Variants in CPNE8 observed in about 807,000 individuals in gnomAD.
The protein encoded by CPNE8 is copine-8.
A neutral mutation model predicts 81.5 loss-of-function variants in CPNE8; 45 were observed. The ratio of observed to expected loss-of-function variants is 0.55; its 90% CI spans 0.44 to 0.71. The LOEUF is 0.71. CPNE8 is among the 30% of genes least tolerant of loss of function. The probability of loss-of-function intolerance (pLI) is 0.00; values close to 1 mark genes in which losing one functional copy is unlikely to be tolerated. For synonymous variants in CPNE8, 252 were observed against 226.3 expected, an observed-to-expected ratio of 1.11 and a Z score of -1.02; for missense variants, 594 against 672.1, an observed-to-expected ratio of 0.88 and a Z score of 1.28.
intron 6 of CPNE8, among the ~76,000 whole-genome samples, chr12:38,784,065 C>T (rs1267848803): frequency 2.0e-5 from 3 of 152,164 alleles, no homozygotes; most frequent in Admixed American, 2.0e-4. Context: ...GATATGTGAG[C>T]ATACAGACAG....
At chr12:38,704,231 C>G (rs1451986224) in intron 13 of CPNE8, among the ~76,000 whole-genome samples, 1 of 152,092 alleles carries the variant, frequency 6.6e-6, no homozygotes, top group Non-Finnish European at 1.5e-5. Context: ...AACAAACACG[C>G]ACATGTAATT....
intron 5 of CPNE8, among the ~76,000 whole-genome samples, chr12:38,833,939 C>G (rs190377431): frequency 2.0e-5 from 3 of 152,124 alleles, no homozygotes; most frequent in Admixed American, 2.0e-4. Context: ...GGAGAAAAAG[C>G]AAGAACAAAG....
At chr12:38,691,048 A>G (rs1016662300) in intron 15 of CPNE8, among the ~76,000 whole-genome samples, 1 of 152,212 alleles carries the variant, frequency 6.6e-6, no homozygotes, top group Non-Finnish European at 1.5e-5. Flanking sequence ...AAAAATAAAA[A>G]TGTAATACTC....
At chr12:38,784,141 C>A (rs1212933663) in intron 6 of CPNE8, among the ~76,000 whole-genome samples, 1 of 152,130 alleles carries the variant, frequency 6.6e-6, no homozygotes, top group African/African-American at 2.4e-5. Context: ...ATTCAGAATT[C>A]TATCAAATAA....
intron 6 of CPNE8, among the ~76,000 whole-genome samples, chr12:38,814,778 T>C (rs1942996277): frequency 6.6e-6 from 1 of 152,118 alleles, no homozygotes; most frequent in African/African-American, 2.4e-5. Flanking sequence ...TACTAGATTG[T>C]AAACTATAGT....
chr12:38,742,248 A>G (rs1303224211), intron 10 of CPNE8, among the ~76,000 whole-genome samples: 1 of 152,144 alleles, frequency 6.6e-6, no homozygotes, highest in Non-Finnish European at 1.5e-5. Context: ...TTGCGGCACT[A>G]TTCACAATAG....
intron 10 of CPNE8, among the ~76,000 whole-genome samples, chr12:38,753,326 C>T (rs191469554): frequency 3.2e-4 from 48 of 152,166 alleles, no homozygotes; most frequent in African/African-American, 1.1e-3. Context: ...GTGGTAGACA[C>T]CAGTAATCCC....
intron 19 of CPNE8, among the ~76,000 whole-genome samples, chr12:38,658,844 C>T (rs573610099): frequency 2.6e-5 from 4 of 152,124 alleles, no homozygotes; most frequent in Non-Finnish European, 2.9e-5. Flanking sequence ...CAGGCAAGCA[C>T]ATGCTGAGAG....
intron 1 of CPNE8, among the ~76,000 whole-genome samples, chr12:38,902,362 A>G (rs1267260651): frequency 1.0e-5 from 1 of 95,254 alleles, no homozygotes; most frequent in Admixed American, 1.0e-4. Flanking sequence ...GAAAGAAAGA[A>G]AGAAAGAAAG....
intron 6 of CPNE8, among the ~76,000 whole-genome samples, chr12:38,820,155 C>T (rs1943090308): frequency 1.3e-5 from 2 of 151,918 alleles, no homozygotes; most frequent in South Asian, 4.2e-4. Flanking sequence ...TCCTGTAATC[C>T]CAGCACTTTG....
At chr12:38,874,590 T>A in intron 1 of CPNE8, 79 bp from the exon 2 acceptor site, 3 of 836,378 alleles carry the variant, frequency 3.6e-6, no homozygotes. Flanking sequence ...AAAATGTGTA[T>A]GTACATAATT....
intron 5 of CPNE8, among the ~76,000 whole-genome samples, chr12:38,839,172 G>T (rs1257240422): frequency 6.6e-6 from 1 of 152,030 alleles, no homozygotes; most frequent in Non-Finnish European, 1.5e-5. Flanking sequence ...CCTACTGGGG[G>T]TGGCCTAATT....
chr12:38,705,570 C>A (rs1001176853), intron 13 of CPNE8, among the ~76,000 whole-genome samples: 4 of 152,046 alleles, frequency 2.6e-5, no homozygotes, highest in Non-Finnish European at 5.9e-5. Context: ...TAAGTGAGTA[C>A]AAACTTTTAG....
intron 6 of CPNE8, among the ~76,000 whole-genome samples, chr12:38,788,729 CA>C (rs920290869): frequency 1.1e-4 from 17 of 151,198 alleles, no homozygotes; most frequent in African/African-American, 3.6e-4. Flanking sequence ...AGATGCCACA[CA>C]AAAAAACTAT....
chr12:38,719,346 G>A (rs1392244169), intron 13 of CPNE8, among the ~76,000 whole-genome samples: 1 of 152,134 alleles, frequency 6.6e-6, no homozygotes, highest in Non-Finnish European at 1.5e-5. Context: ...GCTCATTCCT[G>A]TGATTCCAGC....
intron 6 of CPNE8, among the ~76,000 whole-genome samples, chr12:38,803,640 G>C (rs1226042573): frequency 6.8e-6 from 1 of 147,912 alleles, no homozygotes; most frequent in Non-Finnish European, 1.5e-5. Context: ...TCAACATAGT[G>C]TTGGAAGTTC....
intron 6 of CPNE8, among the ~76,000 whole-genome samples, chr12:38,776,685 T>C (rs1328290074): frequency 6.6e-6 from 1 of 152,130 alleles, no homozygotes; most frequent in Non-Finnish European, 1.5e-5. Context: ...ATCTCCATAT[T>C]GTCTAATATA....
At chr12:38,897,998 G>A (rs1325315536) in intron 1 of CPNE8, among the ~76,000 whole-genome samples, 9 of 152,138 alleles carry the variant, frequency 5.9e-5, no homozygotes, top group African/African-American at 1.9e-4. Flanking sequence ...GTTCTTCAGC[G>A]CTAAGCAAAA....
At chr12:38,676,005 A>G (rs1180278567) in intron 17 of CPNE8, 3 of 157,274 alleles carry the variant, frequency 1.9e-5, no homozygotes, top group Non-Finnish European at 2.7e-5. Flanking sequence ...AGTCCTAGCT[A>G]CTTGGGAGTC....
Sources: allele counts gnomAD v4.1 joint callset (sites outside exome capture counted in the v4.1 genomes callset), GRCh38; gene constraint gnomAD v4.1.1; transcripts MANE v1.5; gene names NCBI Gene and HGNC (gene_info 2026-07-23, HGNC 2026-07-21).